Variants in POU6F2 observed in about 807,000 individuals in gnomAD.
POU6F2 encodes POU class 6 homeobox 2, also known as POU domain, class 6, transcription factor 2.
In POU6F2, 31 loss-of-function variants were observed where a neutral mutation model predicts 71.3. That is an observed-to-expected ratio of 0.43 (90% CI 0.33 to 0.59). The LOEUF (loss-of-function observed/expected upper bound fraction) is 0.59, where lower values mean the gene tolerates loss of function less well. POU6F2 is among the 20% of genes least tolerant of loss of function. POU6F2 has a pLI of 0.04. For synonymous variants in POU6F2, 347 were observed against 355.7 expected, an observed-to-expected ratio of 0.98 and a Z score of 0.27; for missense variants, 783 against 856.8, an observed-to-expected ratio of 0.91 and a Z score of 1.07.
rs547443877 is a variant in POU6F2, at chr7:39,204,226, G to A, written c.278-9G>A. ...TATATTAAGGGAGTATTTCTCTTTTGAATTCCAGGGGCTAGAGGAAACCCA... is the reference window on the plus strand; with the variant it reads ...TATATTAAGGGAGTATTTCTCTTTTAAATTCCAGGGGCTAGAGGAAACCCA... On this transcript the variant is annotated splice_polypyrimidine_tract_variant and intron_variant, in intron 2 of 9. Coordinates refer to ENST00000518318, the MANE Select transcript of POU6F2 (RefSeq NM_001370959.1). 1.2e-6 allele frequency: 2 copies of A among 1,611,822 alleles called. No homozygotes were observed. Among genetic ancestry groups the A allele is most frequent in the East Asian group, 4.5e-5 (2 of 44,814 alleles).
chr7:39,169,640 C>T (rs1294844509), intron 2 of POU6F2, among the ~76,000 whole-genome samples: 1 of 152,132 alleles, frequency 6.6e-6, no homozygotes, highest in East Asian at 1.9e-4. Context: ...CATTCACTGT[C>T]AGATTGTGAT....
At chr7:39,195,599 C>T (rs1307354068) in intron 2 of POU6F2, among the ~76,000 whole-genome samples, 2 of 151,562 alleles carry the variant, frequency 1.3e-5, no homozygotes, top group African/African-American at 4.9e-5. Context: ...TCCCCATCTC[C>T]TCTTTAGGCT....
chr7:39,410,627 G>A (rs562977941), intron 6 of POU6F2, among the ~76,000 whole-genome samples: 4 of 152,156 alleles, frequency 2.6e-5, no homozygotes, highest in African/African-American at 7.2e-5. Context: ...TCTGAGCCTC[G>A]GTTTTGCCAA....
At chr7:39,012,664 T>C (rs1299138156) in intron 1 of POU6F2, among the ~76,000 whole-genome samples, 1 of 152,286 alleles carries the variant, frequency 6.6e-6, no homozygotes, top group East Asian at 1.9e-4. Flanking sequence ...TTTTATCTAC[T>C]TTTGGTCTTT....
intron 1 of POU6F2, among the ~76,000 whole-genome samples, chr7:39,012,761 C>A (rs902814980): frequency 6.6e-6 from 1 of 150,678 alleles, no homozygotes. Context: ...CCCTCAGCTG[C>A]AGGTCTGTTG....
At chr7:39,260,091 A>G (rs78558645) in intron 4 of POU6F2, among the ~76,000 whole-genome samples, 9,127 of 150,910 alleles carry the variant, frequency 0.06, 534 homozygotes, top group African/African-American at 0.15. Flanking sequence ...CACCACACGC[A>G]TTCTCCATAC....
intron 5 of POU6F2, among the ~76,000 whole-genome samples, chr7:39,376,946 C>T (rs1025554824): frequency 6.8e-6 from 1 of 147,836 alleles, no homozygotes; most frequent in Non-Finnish European, 1.5e-5. Context: ...ATTTTAAGTG[C>T]ATATTTACAT....
At position 39,373,031 on chromosome 7, in the gene POU6F2, C is replaced by T. The variant is rs546575693; in HGVS notation, c.972+33016C>T. Among the ~76,000 whole-genome samples the T allele has an allele frequency of 2.2e-4, 33 of 152,302 alleles. 1 individual carries two copies. The South Asian group carries it at 6.8e-3, about 32-fold the overall frequency. On this transcript the variant is annotated intron_variant, in intron 5 of 9. Transcript: ENST00000518318. ...CTGCTTGGGTTTGAATTCTGACTCT[C>T]ATTTAGTAGCTGTGTGATCTTAGGC...
At chr7:39,435,131 T>A (rs961819320) in intron 7 of POU6F2, among the ~76,000 whole-genome samples, 1 of 152,222 alleles carries the variant, frequency 6.6e-6, no homozygotes, top group African/African-American at 2.4e-5. Flanking sequence ...AGATTTATAT[T>A]ATTTTGGGTA....
At chr7:39,436,465 T>C (rs1788245263) in intron 7 of POU6F2, among the ~76,000 whole-genome samples, 1 of 130,882 alleles carries the variant, frequency 7.6e-6, no homozygotes, top group Non-Finnish European at 1.6e-5. Context: ...ATTTTGCACA[T>C]TGATTTTGTA....
At position 39,225,464 on chromosome 7, in the gene POU6F2, A is replaced by G. The variant is rs554030601; in HGVS notation, c.598+17844A>G. 2.6e-5 allele frequency among the ~76,000 whole-genome samples: 4 copies of G among 152,356 alleles called. 1 individual carries two copies. The South Asian group carries it at 8.3e-4, about 32-fold the overall frequency. The stretch of plus-strand genomic sequence containing the variant: ...AACTGAATATTTCTGAAAAATTCTC[A>G]GTGTACTGGGGTTGAATTTCTTCAT... On this transcript the variant is annotated intron_variant, in intron 4 of 9. Coordinates refer to ENST00000518318, the MANE Select transcript of POU6F2 (RefSeq NM_001370959.1).
chr7:39,211,980 A>G (rs144268344), intron 4 of POU6F2, among the ~76,000 whole-genome samples: 1 of 151,952 alleles, frequency 6.6e-6, no homozygotes, highest in Non-Finnish European at 1.5e-5. Flanking sequence ...GGAACTCTCC[A>G]TTTTTCTCTG....
chr7:39,347,413 G>A (rs1205166598), intron 5 of POU6F2, among the ~76,000 whole-genome samples: 1 of 152,112 alleles, frequency 6.6e-6, no homozygotes, highest in Non-Finnish European at 1.5e-5. Context: ...CTGAGTCAGA[G>A]AGGTACGGGG....
rs559633077 is a variant in POU6F2, at chr7:39,025,186, T to C, written c.105+47128T>C. Among the ~76,000 whole-genome samples, 652 of 152,338 alleles carry C rather than the reference T, an allele frequency of 4.3e-3. 3 individuals carry two copies. Among genetic ancestry groups the C allele is most frequent in the South Asian group, 0.014 (68 of 4,826 alleles). On this transcript the variant is annotated intron_variant, in intron 1 of 9. Transcript: ENST00000518318. ...TGATTATTGCTGCAATTTCAGATCC[T>C]GTTATTGGTCTATTCAGAGATTCAA...
At chr7:39,036,908 CTTTAT>C (rs1790078183) in intron 1 of POU6F2, among the ~76,000 whole-genome samples, 1 of 150,136 alleles carries the variant, frequency 6.7e-6, no homozygotes, top group Non-Finnish European at 1.5e-5. Flanking sequence ...TATTTTAAAC[CTTTAT>C]TTTAGGTTCA....
chr7:39,082,176 A>T (rs527300121), intron 1 of POU6F2, among the ~76,000 whole-genome samples: 1 of 152,204 alleles, frequency 6.6e-6, no homozygotes, highest in African/African-American at 2.4e-5. Flanking sequence ...ACACGGTGAA[A>T]ATTTTTGTTG....
chr7:39,444,739 C>T (rs539376061), intron 7 of POU6F2, among the ~76,000 whole-genome samples: 2 of 152,328 alleles, frequency 1.3e-5, no homozygotes, highest in South Asian at 2.1e-4. Context: ...ATGGTGAACA[C>T]CTCCCAAAGT....
intron 6 of POU6F2, among the ~76,000 whole-genome samples, chr7:39,424,825 A>C (rs2329394): frequency 0.38 from 56,427 of 147,290 alleles, 11,499 homozygotes; most frequent in East Asian, 0.61. Context: ...AGCACACACA[A>C]AAAAAAAAAA....
chr7:39,235,299 A>G (rs1193209310), intron 4 of POU6F2, among the ~76,000 whole-genome samples: 1 of 152,244 alleles, frequency 6.6e-6, no homozygotes, highest in Non-Finnish European at 1.5e-5. Context: ...TGGGCAGATC[A>G]TAATAAAAAT....
Sources: gnomAD v4.1 joint callset for allele counts (sites outside exome capture counted in the v4.1 genomes callset) on GRCh38, gnomAD v4.1.1 for gene constraint, MANE v1.5 for transcripts, NCBI Gene and HGNC (gene_info 2026-07-23, HGNC 2026-07-21) for gene names.